The following MYH8 variants were observed in gnomAD, a reference collection of about 807,000 sequenced individuals.
MYH8 encodes the protein myosin heavy chain 8.
In MYH8, 168 loss-of-function variants were observed where a neutral mutation model predicts 233.2. The observed-to-expected ratio is 0.72, with a 90% CI of 0.64 to 0.82. MYH8 has a LOEUF of 0.82. Ranked by LOEUF, MYH8 falls within the 40% of genes least tolerant of loss-of-function variation. The pLI is 0.00. For synonymous variants in MYH8, 785 were observed against 850.6 expected, an observed-to-expected ratio of 0.92 and a Z score of 1.34; for missense variants, 1,995 against 2,327.8, an observed-to-expected ratio of 0.86 and a Z score of 2.94.
chr17:10,398,606 G>A lies in MYH8; in HGVS notation c.4016C>T (p.Ser1339Phe). 1 of 1,614,216 alleles carries A rather than the reference G, an allele frequency of 6.2e-7. No individual in the cohort carries two copies. The highest frequency in any genetic ancestry group is 8.5e-7 in the Non-Finnish European group (1 of 1,180,036). Reference protein sequence around the residue: ...KNALAHALQSSRHDCDLLREQ... With the variant: ...KNALAHALQSFRHDCDLLREQ... ...CCGCAGCAGGTCGCAGTCATGGCGG[G>A]AGGACTGCAGGGCGTGTGCCAGGGC... Residue 1339 changes from serine to phenylalanine, a missense_variant, in exon 30 of 40, where the codon TCC becomes TTC. Around this residue, in one of 3 missense-constraint regions of MYH8, gnomAD observed 1,498 missense variants for 1,680.9 expected, o/e 0.89. Coordinates refer to ENST00000403437, the MANE Select transcript of MYH8 (RefSeq NM_002472.3).
Position 10,409,322 on chromosome 17 carries a change from C to T in MYH8, c.1854G>A (p.Lys618=). The T allele has an allele frequency of 6.2e-7, 1 of 1,614,222 alleles. No homozygotes were observed. ...VVGLYQKSAM[K]TLASLFSTYA... ...ACGTGGAAAAGAGACTGGCTAGAGT[C>T]TTCATTGCAGACTTCTGGTACAGCC... The change falls in exon 16 of 40, where the codon AAG becomes AAA. Residue 618 remains lysine, a synonymous_variant. Transcript: ENST00000403437.
intron 15 of MYH8, among the ~76,000 whole-genome samples, chr17:10,410,409 G>A (rs2072234070): frequency 6.6e-6 from 1 of 152,240 alleles, no homozygotes; most frequent in South Asian, 2.1e-4. Context: ...ACTGTGTCAT[G>A]TGTGCATTAA....
In MYH8 at chr17:10,395,217, A is replaced by T. The variant is rs202123184; in HGVS notation, c.4878T>A (p.Asn1626Lys). 3 of 1,614,018 alleles carry T rather than the reference A, an allele frequency of 1.9e-6. No homozygotes were observed. Among genetic ancestry groups the T allele is most frequent in the Admixed American group, 1.7e-5 (1 of 60,000 alleles). ...CATGGTTCAGCTGGATTTCCATTTC[A>T]TTCAGATCTCCTTCCATTTTCTTCT... ...RVKKKMEGDL[N>K]EMEIQLNHAN... Residue 1626 changes from asparagine to lysine, a missense_variant, in exon 34 of 40, where the codon AAT becomes AAA. By Grantham distance (94) the Asn-to-Lys change is moderately conservative. Transcript: ENST00000403437.
In MYH8 at chr17:10,418,701, T is replaced by C. The variant is rs750390854; in HGVS notation, c.455A>G (p.Glu152Gly). 1.3e-5 allele frequency: 21 copies of C among 1,613,814 alleles called. No individual in the cohort carries two copies. Among genetic ancestry groups the C allele is most frequent in the Non-Finnish European group, 1.7e-5 (20 of 1,179,872 alleles). ...VAAYRGKKRQ[E>G]APPHIFSISD... ...GATGGAGAAGATGTGGGGCGGGGCC[T>C]CCTGGCGCTTTTTGCCTCTGTAGGC... The change falls in exon 5 of 40, where the codon GAG (glutamate) becomes GGG (glycine). Residue 152 changes from glutamate (E) to glycine (G), a missense_variant. Glu to Gly is a moderately conservative substitution (Grantham distance 98). Around this residue, in one of 3 missense-constraint regions of MYH8, gnomAD observed 479 missense variants for 600.9 expected, o/e 0.80. Transcript: ENST00000403437.
Position 10,414,240 on chromosome 17 carries a change from C to T in MYH8, c.960G>A (p.Glu320=). Residue 320 remains glutamate, a synonymous_variant, in exon 11 of 40, where the codon GAG becomes GAA. Coordinates refer to ENST00000403437, the MANE Select transcript of MYH8 (RefSeq NM_002472.3). ...GGTCATCAATACTGGGAACTGTGAT[C>T]TCCCCCTGACTGACGAAGGCATAGT... ...PYDYAFVSQG[E]ITVPSIDDQE... The T allele has an allele frequency of 6.2e-7, 1 of 1,614,190 alleles. No individual in the cohort carries two copies. Among genetic ancestry groups the T allele is most frequent in the Non-Finnish European group, 8.5e-7 (1 of 1,180,022 alleles).
intron 34 of MYH8, 142 bp downstream of exon 34, chr17:10,394,991 T>G: frequency 1.1e-6 from 1 of 882,728 alleles, no homozygotes; most frequent in Non-Finnish European, 1.9e-6. Context: ...ATATGTTCTA[T>G]GTGTATTTAA....
At position 10,410,855 on chromosome 17, in the gene MYH8, C is replaced by T. The variant is rs770798651; in HGVS notation, c.1509G>A (p.Glu503=). ...TCCACTCGATGCCTTCCTTCTTGTA[C>T]TCCTCCTGCTCTAGCACAAACATGT... The part of the protein sequence containing the change: ...NHHMFVLEQE[E]YKKEGIEWTF... Residue 503 remains glutamate, a synonymous_variant, in exon 15 of 40, where the codon GAG becomes GAA. Coordinates refer to ENST00000403437, the MANE Select transcript of MYH8 (RefSeq NM_002472.3). 2 of 1,613,904 alleles carry T rather than the reference C, an allele frequency of 1.2e-6. No individual in the cohort carries two copies. The highest frequency in any genetic ancestry group is 1.7e-6 in the Non-Finnish European group (2 of 1,179,988).
chr17:10,405,429 A>G (rs2142179355), intron 21 of MYH8, among the ~76,000 whole-genome samples: 1 of 152,336 alleles, frequency 6.6e-6, no homozygotes, highest in South Asian at 2.1e-4. Context: ...TTGTAACTCT[A>G]TGAAAGCAGA....
chr17:10,406,566 G>T (rs976576722), intron 19 of MYH8, 124 bp downstream of exon 19: 1 of 1,347,638 alleles, frequency 7.4e-7, no homozygotes, highest in African/African-American at 1.4e-5. Flanking sequence ...TTGCATGCCT[G>T]CTTCCTGTTA....
chr17:10,401,742 A>G lies in MYH8; in HGVS notation c.2732T>C (p.Leu911Pro). 3 of 1,614,150 alleles carry G rather than the reference A, an allele frequency of 1.9e-6. No individual in the cohort carries two copies. The highest frequency in any genetic ancestry group is 2.5e-6 in the Non-Finnish European group (3 of 1,180,032). The change falls in exon 23 of 40, where the codon CTG (leucine) becomes CCG (proline). Residue 911 changes from leucine (L) to proline (P), a missense_variant. Physicochemically the swap from Leu to Pro is moderately conservative, Grantham distance 98. Around this residue, in one of 3 missense-constraint regions of MYH8, gnomAD observed 1,498 missense variants for 1,680.9 expected, o/e 0.89. Coordinates refer to ENST00000403437, the MANE Select transcript of MYH8 (RefSeq NM_002472.3). ...CTCAAGTTGGATTTTGTTTTTAATC[A>G]GTTGCTCACACCTTTCCTCTGCATC... Reference protein sequence around the residue: ...LADAEERCEQLIKNKIQLEAK... With the variant: ...LADAEERCEQPIKNKIQLEAK...
At chr17:10,393,352 T>A in intron 35 of MYH8, 142 bp from the exon 36 acceptor site, 1 of 1,210,452 alleles carries the variant, frequency 8.3e-7, no homozygotes, top group Non-Finnish European at 1.2e-6. Flanking sequence ...TGGAAAATGT[T>A]AATTATTTGC....
chr17:10,400,511 T>A lies in MYH8; in HGVS notation c.3614A>T (p.Glu1205Val). The change falls in exon 27 of 40, where the codon GAG becomes GTG. Residue 1205 changes from glutamate to valine, a missense_variant. This residue lies in a region of MYH8 where 1,498 missense variants were observed against 1,680.9 expected (regional missense o/e 0.89). Transcript: ENST00000403437. This position sits in a 1 kb window ranked among gnomAD's most constrained non-coding sequence, Gnocchi z 4.0. ...CAAGTTGTCAATCTGCTCCCCAAGCTCAGCCATACTGTCTGCGTGCTTCTT... is the reference window on the plus strand; with the variant it reads ...CAAGTTGTCAATCTGCTCCCCAAGCACAGCCATACTGTCTGCGTGCTTCTT... ...LRKKHADSMAELGEQIDNLQR... is the reference protein window; with the variant it reads ...LRKKHADSMAVLGEQIDNLQR... 6.2e-7 allele frequency: 1 copy of A among 1,614,210 alleles called. No homozygotes were observed. The highest frequency in any genetic ancestry group is 8.5e-7 in the Non-Finnish European group (1 of 1,180,040).
At chr17:10,418,585 T>C in intron 5 of MYH8, 60 bp downstream of exon 5, 1 of 1,612,094 alleles carries the variant, frequency 6.2e-7, no homozygotes, top group Non-Finnish European at 8.5e-7. Flanking sequence ...GGAAGAGGTC[T>C]GTCTGTTCTG....
rs1340862141 is a variant in MYH8 at position 10,396,753 on chromosome 17, G to A, written c.4363-35C>T. On this transcript the variant is annotated intron_variant, in intron 31 of 39. Coordinates refer to ENST00000403437, the MANE Select transcript of MYH8 (RefSeq NM_002472.3). This position sits in a 1 kb window ranked among gnomAD's most constrained non-coding sequence, Gnocchi z 4.2. ...AATAAATCATGAGTTGATCCAAGGA[G>A]AAAGGAAGACCGAGTAAAACACTCT... 1.2e-6 allele frequency: 2 copies of A among 1,614,048 alleles called. No homozygotes were observed. The highest frequency in any genetic ancestry group is 1.7e-6 in the Non-Finnish European group (2 of 1,180,042).
At position 10,390,498 on chromosome 17, in the gene MYH8, G is replaced by T. The variant is rs1398243359; in HGVS notation, c.5770C>A (p.Arg1924=). 3.1e-6 allele frequency: 5 copies of T among 1,614,062 alleles called. No homozygotes were observed. Among genetic ancestry groups the T allele is most frequent in the East Asian group, 2.2e-5 (1 of 44,884 alleles). The stretch of plus-strand genomic sequence containing the variant: ...GTGTGAACCTCTCGGCTCTTCACTC[G>T]CAATTTGTTGACCTGGGACTCAGCA... ...DIAESQVNKL[R]VKSREVHTKI... Residue 1924 remains arginine, a synonymous_variant, in exon 40 of 40, where the codon CGA becomes AGA. Transcript: ENST00000403437.
In MYH8 at chr17:10,395,019, G is replaced by A. The variant is rs184325452; in HGVS notation, c.4962+114C>T. Reference sequence around the variant, plus strand: ...GTATTTAATTCAGTTACCTTTGTGCGGTCAGCTGTATAATTTGTTAAGAGA... The same window carrying A: ...GTATTTAATTCAGTTACCTTTGTGCAGTCAGCTGTATAATTTGTTAAGAGA... On this transcript the variant is annotated intron_variant, in intron 34 of 39. Transcript: ENST00000403437. 1,799 of 1,142,544 alleles carry A rather than the reference G, an allele frequency of 1.6e-3. 16 individuals are homozygous for A. The highest frequency in any genetic ancestry group is 4.1e-4 in the Non-Finnish European group (310 of 757,164). The allele number at this position is 1,142,544 out of a possible 1,614,324, so 70.8% of individuals were successfully genotyped here. A position where few individuals can be genotyped will look rare whatever the true frequency, so the allele number is the denominator to read the frequency against.
rs1490382347 is a variant in MYH8 at position 10,400,380 on chromosome 17, T to C, written c.3735+10A>G. ...GATGATTACCTTCATTTAGAGACAG[T>C]ATTGGGTACCTTGGCTTTGGAAATG... On this transcript the variant is annotated intron_variant, in intron 27 of 39. Transcript: ENST00000403437. The surrounding 1 kb of genome is among the most constrained non-coding windows in gnomAD (Gnocchi z 4.0). 3 of 1,611,332 alleles carry C rather than the reference T, an allele frequency of 1.9e-6. No individual in the cohort carries two copies. The highest frequency in any genetic ancestry group is 2.5e-6 in the Non-Finnish European group (3 of 1,179,836).
chr17:10,396,309 A>G lies in MYH8; in HGVS notation c.4653+21T>C, dbSNP rs1017389848. ...ATGTTTGTCTTTGTTTTTCCATAAC[A>G]TAATACAAGGTAATATGTACCTCTG... is the stretch of plus-strand genomic sequence containing the variant. On this transcript the variant is annotated intron_variant, in intron 33 of 39. Coordinates refer to ENST00000403437, the MANE Select transcript of MYH8 (RefSeq NM_002472.3). This position sits in a 1 kb window ranked among gnomAD's most constrained non-coding sequence, Gnocchi z 4.2. 3 of 1,613,358 alleles carry G rather than the reference A, an allele frequency of 1.9e-6. No homozygotes were observed. The highest frequency in any genetic ancestry group is 2.7e-5 in the African/African-American group (2 of 75,054).
In MYH8 at chr17:10,420,165, T is replaced by C. The variant is rs778551249; in HGVS notation, c.63A>G (p.Lys21=). 1 of 1,614,094 alleles carries C rather than the reference T, an allele frequency of 6.2e-7. No individual in the cohort carries two copies. Among genetic ancestry groups the C allele is most frequent in the Non-Finnish European group, 8.5e-7 (1 of 1,180,032 alleles). ...GGGCCTCAATCCGCTCCTTTTCTGA[T>C]TTTCGAAGGTAGGGAGCAGCTTCGC... The part of the protein sequence containing the change: ...VFGEAAPYLR[K]SEKERIEAQN... Residue 21 remains lysine (K), a synonymous_variant, in exon 3 of 40, where the codon AAA becomes AAG. Coordinates refer to ENST00000403437, the MANE Select transcript of MYH8 (RefSeq NM_002472.3).
Sources: gnomAD v4.1 joint callset for allele counts (sites outside exome capture counted in the v4.1 genomes callset) on GRCh38, gnomAD v4.1.1 for gene constraint, gnomAD v4.1.1 regional missense constraint, Gnocchi (gnomAD v3.1) non-coding constraint, MANE v1.5 for transcripts, NCBI Gene and HGNC (gene_info 2026-07-23, HGNC 2026-07-21) for gene names.